Variants in PCDHGB6 observed in about 807,000 individuals in gnomAD.
PCDHGB6 encodes protocadherin gamma-B6.
A neutral mutation model predicts 59.1 loss-of-function variants in PCDHGB6; 51 were observed. That is an observed-to-expected ratio of 0.86 (90% CI 0.69 to 1.09). The LOEUF (loss-of-function observed/expected upper bound fraction) is 1.09. Ranked by LOEUF, PCDHGB6 falls within the 50% of genes least tolerant of loss-of-function variation. The probability of loss-of-function intolerance (pLI) is 0.00; values close to 1 mark genes in which losing one functional copy is unlikely to be tolerated. For synonymous variants in PCDHGB6, 466 were observed against 495.1 expected, an observed-to-expected ratio of 0.94 and a Z score of 0.78; for missense variants, 1,148 against 1,205.1, an observed-to-expected ratio of 0.95 and a Z score of 0.70.
chr5:141,478,435 G>A, intron 1 of PCDHGB6: 1 of 1,613,736 alleles, frequency 6.2e-7, no homozygotes, highest in Non-Finnish European at 8.5e-7. Context: ...ACCCGCTGCT[G>A]AAGAAACCTG....
Position 141,432,110 on chromosome 5 carries a change from G to T in PCDHGB6, c.2418+21490G>T, listed in dbSNP as rs768038692. The T allele has an allele frequency of 6.2e-7, 1 of 1,614,108 alleles. No homozygotes were observed. Among genetic ancestry groups the T allele is most frequent in the Non-Finnish European group, 8.5e-7 (1 of 1,180,036 alleles). ...GGCAGACACCAACGACAACCCGCCG[G>T]TCTTCCCTCAGGCCTCCTATTCCGC... On this transcript the variant is annotated intron_variant, in intron 1 of 3. Coordinates refer to ENST00000520790, the MANE Select transcript of PCDHGB6 (RefSeq NM_018926.3). The surrounding 1 kb of genome is among the most constrained non-coding windows in gnomAD (Gnocchi z 6.0).
At position 141,476,172 on chromosome 5, in the gene PCDHGB6, T is replaced by C; in HGVS notation, c.2419-18635T>C. 6.2e-7 allele frequency: 1 copy of C among 1,612,930 alleles called. No individual in the cohort carries two copies. The highest frequency in any genetic ancestry group is 1.1e-5 in the South Asian group (1 of 91,026). On this transcript the variant is annotated intron_variant, in intron 1 of 3. Coordinates refer to ENST00000520790, the MANE Select transcript of PCDHGB6 (RefSeq NM_018926.3). This position sits in a 1 kb window ranked among gnomAD's most constrained non-coding sequence, Gnocchi z 7.6. ...GTAAGCACCGGGAGGGTAGTGGGAG[T>C]TTTGCTTCTGCTTGGTGCCTTGAAC...
At position 141,477,284 on chromosome 5, in the gene PCDHGB6, G is replaced by A. The variant is rs751714522; in HGVS notation, c.2419-17523G>A. 5.0e-6 allele frequency: 8 copies of A among 1,614,150 alleles called. No homozygotes were observed. The South Asian group carries it at 6.6e-5, about 13-fold the overall frequency. ...TGGCGAGAACGGGCTGGTGACCTGC[G>A]AAGTTCCACCGGGTCTCCCTTTCAG... On this transcript the variant is annotated intron_variant, in intron 1 of 3. Transcript: ENST00000520790. This position sits in a 1 kb window ranked among gnomAD's most constrained non-coding sequence, Gnocchi z 4.9.
intron 1 of PCDHGB6, among the ~76,000 whole-genome samples, chr5:141,467,421 G>T (rs957302311): frequency 6.6e-6 from 1 of 152,100 alleles, no homozygotes; most frequent in African/African-American, 2.4e-5. Flanking sequence ...CCACACCTAG[G>T]TTATAGAAAC....
Position 141,431,132 on chromosome 5 carries a change from G to A in PCDHGB6, c.2418+20512G>A. On this transcript the variant is annotated intron_variant, in intron 1 of 3. Coordinates refer to ENST00000520790, the MANE Select transcript of PCDHGB6 (RefSeq NM_018926.3). This position sits in a 1 kb window ranked among gnomAD's most constrained non-coding sequence, Gnocchi z 4.8. ...ATATGGAGTAGAAGTAGAAGTAAGGGACATTAACGACAATGCGCCTTACTT... is the reference window on the plus strand; with the variant it reads ...ATATGGAGTAGAAGTAGAAGTAAGGAACATTAACGACAATGCGCCTTACTT... 2 of 1,614,232 alleles carry A rather than the reference G, an allele frequency of 1.2e-6. No individual in the cohort carries two copies. The highest frequency in any genetic ancestry group is 8.5e-7 in the Non-Finnish European group (1 of 1,180,024).
In PCDHGB6 at chr5:141,415,152, C is replaced by G. The variant is rs758450562; in HGVS notation, c.2418+4532C>G. ...AGGACCACGGCCAGCCCCCTCTCTCCGCCACTGTCACGCTCACCGTGGCCG... is the reference window on the plus strand; with the variant it reads ...AGGACCACGGCCAGCCCCCTCTCTCGGCCACTGTCACGCTCACCGTGGCCG... On this transcript the variant is annotated intron_variant, in intron 1 of 3. Transcript: ENST00000520790. The G allele has an allele frequency of 1.9e-6, 3 of 1,613,812 alleles. No individual in the cohort carries two copies. In the Admixed American group the frequency reaches 5.0e-5, roughly 27 times the overall value.
intron 3 of PCDHGB6, 93 bp downstream of exon 3, chr5:141,505,574 C>G: frequency 6.3e-7 from 1 of 1,593,636 alleles, no homozygotes; most frequent in South Asian, 1.1e-5. Flanking sequence ...GGATGTCAAA[C>G]CTGTGTAGTT....
intron 3 of PCDHGB6, 72 bp from the exon 4 acceptor site, chr5:141,510,875 C>T: frequency 6.2e-7 from 1 of 1,610,120 alleles, no homozygotes; most frequent in Admixed American, 1.7e-5. Context: ...TCATTAACTG[C>T]TGGGGATATA....
At chr5:141,473,942 G>A (rs1419813166) in intron 1 of PCDHGB6, among the ~76,000 whole-genome samples, 3 of 152,124 alleles carry the variant, frequency 2.0e-5, no homozygotes, top group Non-Finnish European at 2.9e-5. Flanking sequence ...AGTAGCTCAG[G>A]CCTGTAGTCC....
intron 2 of PCDHGB6, among the ~76,000 whole-genome samples, chr5:141,496,054 G>A (rs180707408): frequency 6.6e-6 from 1 of 150,988 alleles, no homozygotes; most frequent in Admixed American, 6.6e-5. Context: ...TTTTGTGCTT[G>A]TGGGCAAGCC....
intron 1 of PCDHGB6, among the ~76,000 whole-genome samples, chr5:141,482,488 G>C (rs1401943298): frequency 7.7e-6 from 1 of 130,410 alleles, no homozygotes; most frequent in African/African-American, 3.1e-5. Context: ...ACAATTAAAA[G>C]TTATCATTCT....
At chr5:141,466,143 C>T (rs2099117622) in intron 1 of PCDHGB6, among the ~76,000 whole-genome samples, 1 of 151,816 alleles carries the variant, frequency 6.6e-6, no homozygotes, top group Admixed American at 6.6e-5. Flanking sequence ...CAAGTGAAAA[C>T]TCTGGTCTTA....
intron 1 of PCDHGB6, chr5:141,468,696 C>G (rs1483766202): frequency 6.6e-6 from 1 of 151,386 alleles, no homozygotes; most frequent in East Asian, 2.0e-4. Context: ...GAAACCCCGT[C>G]TCTACTAAAA....
At chr5:141,428,836 C>T (rs926107154) in intron 1 of PCDHGB6, 1 of 150,686 alleles carries the variant, frequency 6.6e-6, no homozygotes, top group African/African-American at 2.5e-5. Context: ...ATTTTTGAAA[C>T]ATTTTCACCA....
chr5:141,424,353 T>C (rs923306479), intron 1 of PCDHGB6: 1 of 152,246 alleles, frequency 6.6e-6, no homozygotes, highest in African/African-American at 2.4e-5. Flanking sequence ...GGAGATAAAA[T>C]TTAGATCACA....
intron 1 of PCDHGB6, chr5:141,413,033 T>C: frequency 1.3e-6 from 1 of 776,760 alleles, no homozygotes; most frequent in Non-Finnish European, 2.0e-6. Context: ...ACAAACCGGC[T>C]GCTGGGCTGC....
chr5:141,412,963 G>A (rs1387713187), intron 1 of PCDHGB6: 2 of 518,110 alleles, frequency 3.9e-6, no homozygotes, highest in South Asian at 3.3e-5. Context: ...TCACCTACTA[G>A]GAGAGAAAAC....
chr5:141,455,616 A>G (rs2154565146), intron 1 of PCDHGB6, among the ~76,000 whole-genome samples: 1 of 152,244 alleles, frequency 6.6e-6, no homozygotes, highest in South Asian at 2.1e-4. Flanking sequence ...GGATGTTCTA[A>G]ACACGTGGAG....
intron 1 of PCDHGB6, chr5:141,421,961 A>G: frequency 6.2e-7 from 1 of 1,612,542 alleles, no homozygotes; most frequent in Non-Finnish European, 8.5e-7. Context: ...ATGTTTACAC[A>G]GTCCGTATAT....
Sources: allele counts gnomAD v4.1 joint callset (sites outside exome capture counted in the v4.1 genomes callset), GRCh38; gene constraint gnomAD v4.1.1; non-coding constraint Gnocchi (gnomAD v3.1); transcripts MANE v1.5; gene names NCBI Gene and HGNC (gene_info 2026-07-23, HGNC 2026-07-21).